The following NNAT variants were observed in gnomAD, a reference collection of about 807,000 sequenced individuals.
The protein encoded by NNAT is neuronatin.
A neutral mutation model predicts 12.7 loss-of-function variants in NNAT; 8 were observed. The observed-to-expected ratio is 0.63, with a 90% confidence interval of 0.37 to 1.14. NNAT has a LOEUF of 1.14. Among genes scored for constraint, NNAT ranks in the 50% most tolerant of loss-of-function variants. The probability of loss-of-function intolerance (pLI) is 0.01; values close to 1 mark genes in which losing one functional copy is unlikely to be tolerated. For missense variants in NNAT, 94 were observed against 108.3 expected (o/e 0.87, Z 0.59); for synonymous variants, 52 against 48.5 (o/e 1.07, Z -0.30).
chr20:37,521,504 C>T lies in NNAT; in HGVS notation c.72+101C>T. On this transcript the variant is annotated intron_variant, in intron 1 of 2. Transcript: ENST00000649451. This position sits in a 1 kb window ranked among gnomAD's most constrained non-coding sequence, Gnocchi z 4.5. ...TGCCGCTTCCCGGACCCGTCCTATT[C>T]CGATTGCCGCGATCCTTGCCTGCCC... 1 of 1,199,612 alleles carries T rather than the reference C, an allele frequency of 8.3e-7. No individual in the cohort carries two copies. Among genetic ancestry groups the T allele is most frequent in the Admixed American group, 1.7e-5 (1 of 57,238 alleles). The allele number at this position is 1,199,612 out of a possible 1,614,324, so 74.3% of individuals were successfully genotyped here.
chr20:37,522,755 A>G lies in NNAT; in HGVS notation c.242A>G (p.Asn81Ser), dbSNP rs1400221032. The G allele has an allele frequency of 8.1e-6, 13 of 1,600,670 alleles. No homozygotes were observed. The highest frequency in any genetic ancestry group is 2.3e-5 in the East Asian group (1 of 44,292). Reference sequence around the variant, plus strand: ...GGGGAGCGCAGGCAGCGAGCCCCCAACTGAGGCCCCAGCTCCCAGCCCTGG... The same window carrying G: ...GGGGAGCGCAGGCAGCGAGCCCCCAGCTGAGGCCCCAGCTCCCAGCCCTGG... ...VLGERRQRAP[N>S] is the part of the protein sequence containing the mutation. The change falls in exon 3 of 3, where the codon AAC (asparagine) becomes AGC (serine). Residue 81 changes from asparagine (N) to serine (S), a missense_variant. Asn to Ser is a conservative substitution (Grantham distance 46). Coordinates refer to ENST00000649451, the MANE Select transcript of NNAT (RefSeq NM_005386.4).
rs1166696298 is a variant in NNAT, at chr20:37,522,838, G to A, written c.*79G>A. The A allele has an allele frequency of 1.3e-5, 18 of 1,339,836 alleles. No individual in the cohort carries two copies. Among genetic ancestry groups the A allele is most frequent in the Non-Finnish European group, 1.8e-5 (18 of 983,954 alleles). 83.0% of individuals were successfully genotyped at this position (1,339,836 alleles called of 1,614,324 possible). A position where few individuals can be genotyped will look rare whatever the true frequency, so the allele number is the denominator to read the frequency against. On this transcript the variant is annotated 3_prime_UTR_variant, in exon 3 of 3. Coordinates refer to ENST00000649451, the MANE Select transcript of NNAT (RefSeq NM_005386.4). ...CGGCCAGCACGGGAGCCAGTGCCGC[G>A]CAGGAATGTGGGGTCCCCTGTGTTC...
chr20:37,523,274 G>A lies in NNAT; in HGVS notation c.*515G>A, dbSNP rs1339958138. 1 of 152,984 alleles carries A rather than the reference G, an allele frequency of 6.5e-6. No homozygotes were observed. Among genetic ancestry groups the A allele is most frequent in the East Asian group, 1.9e-4 (1 of 5,204 alleles). The allele number at this position is 152,984 out of a possible 1,614,324, so 9.5% of individuals were successfully genotyped here. On this transcript the variant is annotated 3_prime_UTR_variant, in exon 3 of 3. Coordinates refer to ENST00000649451, the MANE Select transcript of NNAT (RefSeq NM_005386.4). ...GAGGGTGGTTAAGAAATACAGTGGG[G>A]CCCTCTCGCTGTCCCTTGCCCAGGG...
intron 2 of NNAT, 32 bp downstream of exon 2, chr20:37,522,470 C>A: frequency 6.3e-7 from 1 of 1,587,292 alleles, no homozygotes; most frequent in Non-Finnish European, 8.6e-7. Context: ...AATCAGCTTG[C>A]CGCCATGCAG....
At position 37,521,532 on chromosome 20, in the gene NNAT, G is replaced by C; in HGVS notation, c.72+129G>C. The C allele has an allele frequency of 1.0e-6, 1 of 960,774 alleles. No individual in the cohort carries two copies. Among genetic ancestry groups the C allele is most frequent in the Non-Finnish European group, 1.6e-6 (1 of 618,476 alleles). 59.5% of individuals were successfully genotyped at this position (960,774 alleles called of 1,614,324 possible). The stretch of plus-strand genomic sequence containing the variant: ...ATTGCCGCGATCCTTGCCTGCCCAA[G>C]TGCCGCTGCCGGCACCGCGCGCCCC... On this transcript the variant is annotated intron_variant, in intron 1 of 2. Coordinates refer to ENST00000649451, the MANE Select transcript of NNAT (RefSeq NM_005386.4). This position sits in a 1 kb window ranked among gnomAD's most constrained non-coding sequence, Gnocchi z 4.5.
Position 37,523,559 on chromosome 20 carries a change from T to C in NNAT, c.*800T>C, listed in dbSNP as rs1466827517. 13 of 152,654 alleles carry C rather than the reference T, an allele frequency of 8.5e-5. No homozygotes were observed. Among genetic ancestry groups the C allele is most frequent in the Admixed American group, 8.5e-4 (13 of 15,284 alleles). 9.5% of individuals were successfully genotyped at this position (152,654 alleles called of 1,614,324 possible). The stretch of plus-strand genomic sequence containing the variant: ...ATTGTACTGATTGTTTAAGTGTGCA[T>C]TAGTTGTGTCTCCCCAGCTAGATTG... On this transcript the variant is annotated 3_prime_UTR_variant, in exon 3 of 3. Coordinates refer to ENST00000649451, the MANE Select transcript of NNAT (RefSeq NM_005386.4).
chr20:37,522,397 T>C lies in NNAT; in HGVS notation c.112T>C (p.Phe38Leu). Residue 38 changes from phenylalanine (F) to leucine (L), a missense_variant, in exon 2 of 3, where the codon TTT (phenylalanine) becomes CTT (leucine). By Grantham distance (22) the Phe-to-Leu change is conservative. Transcript: ENST00000649451. ...ECCIYWVGFA[F>L]RNPPGTQPIA... Reference sequence around the variant, plus strand: ...CTGCATTTACTGGGTAGGATTCGCTTTTCGAAATCCTCCAGGGACACAGCC... The same window carrying C: ...CTGCATTTACTGGGTAGGATTCGCTCTTCGAAATCCTCCAGGGACACAGCC... 1 of 1,613,994 alleles carries C rather than the reference T, an allele frequency of 6.2e-7. No homozygotes were observed. The highest frequency in any genetic ancestry group is 8.5e-7 in the Non-Finnish European group (1 of 1,179,968).
In NNAT at chr20:37,521,536, C is replaced by A; in HGVS notation, c.72+133C>A. The A allele has an allele frequency of 4.3e-6, 4 of 920,700 alleles. No homozygotes were observed. Among genetic ancestry groups the A allele is most frequent in the Non-Finnish European group, 6.8e-6 (4 of 585,638 alleles). 57.0% of individuals were successfully genotyped at this position (920,700 alleles called of 1,614,324 possible). ...CCGCGATCCTTGCCTGCCCAAGTGC[C>A]GCTGCCGGCACCGCGCGCCCCCTGC... On this transcript the variant is annotated intron_variant, in intron 1 of 2. Coordinates refer to ENST00000649451, the MANE Select transcript of NNAT (RefSeq NM_005386.4). The surrounding 1 kb of genome is among the most constrained non-coding windows in gnomAD (Gnocchi z 4.5).
In NNAT at chr20:37,521,910, A is replaced by G. The variant is rs2071590391; in HGVS notation, c.73-448A>G. 6.6e-6 allele frequency among the ~76,000 whole-genome samples: 1 copy of G among 151,806 alleles called. No individual in the cohort carries two copies. The highest frequency in any genetic ancestry group is 1.5e-5 in the Non-Finnish European group (1 of 67,980). On this transcript the variant is annotated intron_variant, in intron 1 of 2. Transcript: ENST00000649451. The surrounding 1 kb of genome is among the most constrained non-coding windows in gnomAD (Gnocchi z 4.5). Reference sequence around the variant, plus strand: ...AAAAAATAAAAATTACTTCGCAAAAAAAAAAAACCCTACAACGAATTAGAG... The same window carrying G: ...AAAAAATAAAAATTACTTCGCAAAAGAAAAAAACCCTACAACGAATTAGAG...
chr20:37,521,599 T>C lies in NNAT; in HGVS notation c.72+196T>C, dbSNP rs1003739849. 1 of 580,136 alleles carries C rather than the reference T, an allele frequency of 1.7e-6. No homozygotes were observed. Among genetic ancestry groups the C allele is most frequent in the South Asian group, 2.0e-5 (1 of 49,896 alleles). 35.9% of individuals were successfully genotyped at this position (580,136 alleles called of 1,614,324 possible). A position where few individuals can be genotyped will look rare whatever the true frequency, so the allele number is the denominator to read the frequency against. On this transcript the variant is annotated intron_variant, in intron 1 of 2. Coordinates refer to ENST00000649451, the MANE Select transcript of NNAT (RefSeq NM_005386.4). The surrounding 1 kb of genome is among the most constrained non-coding windows in gnomAD (Gnocchi z 4.5). ...CCGTCCTCCTCGCGCTGACCCTCCC[T>C]AGTGCGCCCGCGCCTGCCAGGGAAC... is the stretch of plus-strand genomic sequence containing the variant.
In NNAT at chr20:37,522,933, T is replaced by C. The variant is rs1376830184; in HGVS notation, c.*174T>C. On this transcript the variant is annotated 3_prime_UTR_variant, in exon 3 of 3. Coordinates refer to ENST00000649451, the MANE Select transcript of NNAT (RefSeq NM_005386.4). ...ACCCCCGGAGAAGCAGTACCGACAA[T>C]GACGAAGATACCAGATCCCTTCCCA... is the stretch of plus-strand genomic sequence containing the variant. 1.0e-5 allele frequency: 6 copies of C among 586,218 alleles called. No homozygotes were observed. Among genetic ancestry groups the C allele is most frequent in the Non-Finnish European group, 1.8e-5 (6 of 332,292 alleles). The allele number at this position is 586,218 out of a possible 1,614,324, so 36.3% of individuals were successfully genotyped here.
rs2071572784 is a variant in NNAT at position 37,521,515 on chromosome 20, G to A, written c.72+112G>A. 5 of 1,101,400 alleles carry A rather than the reference G, an allele frequency of 4.5e-6. No individual in the cohort carries two copies. Among genetic ancestry groups the A allele is most frequent in the Admixed American group, 1.8e-5 (1 of 55,026 alleles). The allele number at this position is 1,101,400 out of a possible 1,614,324, so 68.2% of individuals were successfully genotyped here. ...GGACCCGTCCTATTCCGATTGCCGC[G>A]ATCCTTGCCTGCCCAAGTGCCGCTG... is the stretch of plus-strand genomic sequence containing the variant. On this transcript the variant is annotated intron_variant, in intron 1 of 2. Coordinates refer to ENST00000649451, the MANE Select transcript of NNAT (RefSeq NM_005386.4). The surrounding 1 kb of genome is among the most constrained non-coding windows in gnomAD (Gnocchi z 4.5).
chr20:37,521,847 G>A lies in NNAT; in HGVS notation c.72+444G>A, dbSNP rs2147189136. On this transcript the variant is annotated intron_variant, in intron 1 of 2. Transcript: ENST00000649451. This position sits in a 1 kb window ranked among gnomAD's most constrained non-coding sequence, Gnocchi z 4.5. Reference sequence around the variant, plus strand: ...AAAAAAACATATAGCGCTTGCGGGGGTGGAACAAAAAATAAGTTAGAAAAA... The same window carrying A: ...AAAAAAACATATAGCGCTTGCGGGGATGGAACAAAAAATAAGTTAGAAAAA... 6.6e-6 allele frequency among the ~76,000 whole-genome samples: 1 copy of A among 151,404 alleles called. No homozygotes were observed. Among genetic ancestry groups the A allele is most frequent in the African/African-American group, 2.4e-5 (1 of 41,238 alleles).
intron 2 of NNAT, 70 bp downstream of exon 2, chr20:37,522,508 C>T (rs1031730423): frequency 1.3e-6 from 2 of 1,508,190 alleles, no homozygotes; most frequent in African/African-American, 2.8e-5. Flanking sequence ...AAAGCTCCAG[C>T]TGCCCTGACT....
chr20:37,522,259 G>C, intron 1 of NNAT, 99 bp from the exon 2 acceptor site: 1 of 796,800 alleles, frequency 1.3e-6, no homozygotes, highest in East Asian at 2.6e-5. Context: ...AGAAGAAAGC[G>C]CTTTGCCCAT....
At position 37,522,755 on chromosome 20, in the gene NNAT, A is replaced by C; in HGVS notation, c.242A>C (p.Asn81Thr). ...GGGGAGCGCAGGCAGCGAGCCCCCA[A>C]CTGAGGCCCCAGCTCCCAGCCCTGG... is the stretch of plus-strand genomic sequence containing the variant. ...VLGERRQRAPN is the reference protein window; with the variant it reads ...VLGERRQRAPT The change falls in exon 3 of 3, where the codon AAC becomes ACC. Residue 81 changes from asparagine (N) to threonine (T), a missense_variant. Transcript: ENST00000649451. The C allele has an allele frequency of 6.2e-7, 1 of 1,600,670 alleles. No individual in the cohort carries two copies. Among genetic ancestry groups the C allele is most frequent in the Non-Finnish European group, 8.5e-7 (1 of 1,174,400 alleles).
chr20:37,522,551 A>C (rs2071621220), intron 2 of NNAT, 113 bp downstream of exon 2: 1 of 1,043,716 alleles, frequency 9.6e-7, no homozygotes, highest in Non-Finnish European at 1.3e-6. Context: ...CCGCCTCTCC[A>C]GCCTACGCTG....
rs1341800385 is a variant in NNAT at position 37,521,993 on chromosome 20, A to G, written c.73-365A>G. Among the ~76,000 whole-genome samples the G allele has an allele frequency of 6.6e-6, 1 of 151,778 alleles. No individual in the cohort carries two copies. The highest frequency in any genetic ancestry group is 2.4e-5 in the African/African-American group (1 of 41,400). On this transcript the variant is annotated intron_variant, in intron 1 of 2. Coordinates refer to ENST00000649451, the MANE Select transcript of NNAT (RefSeq NM_005386.4). This position sits in a 1 kb window ranked among gnomAD's most constrained non-coding sequence, Gnocchi z 4.5. Reference sequence around the variant, plus strand: ...GCATTGCAGGAAAAATAAATCGGAGAAAAGCACTTGGCAGAAAAAAATGCA... The same window carrying G: ...GCATTGCAGGAAAAATAAATCGGAGGAAAGCACTTGGCAGAAAAAAATGCA...
chr20:37,522,904 GT>G lies in NNAT; in HGVS notation c.*146del. On this transcript the variant is annotated 3_prime_UTR_variant, in exon 3 of 3. Transcript: ENST00000649451. Reference sequence around the variant, plus strand: ...ACTTGGCAAGGTCAGTGAGGGGCCAGTAGACCCCCGGAGAAGCAGTACCGAC... The same window carrying G: ...ACTTGGCAAGGTCAGTGAGGGGCCAGAGACCCCCGGAGAAGCAGTACCGAC... 1 of 644,670 alleles carries G rather than the reference GT, an allele frequency of 1.6e-6. No individual in the cohort carries two copies. Among genetic ancestry groups the G allele is most frequent in the East Asian group, 2.8e-5 (1 of 35,486 alleles). 39.9% of individuals were successfully genotyped at this position (644,670 alleles called of 1,614,324 possible).
Sources: gnomAD v4.1 joint callset for allele counts (sites outside exome capture counted in the v4.1 genomes callset) on GRCh38, gnomAD v4.1.1 for gene constraint, Gnocchi (gnomAD v3.1) non-coding constraint, MANE v1.5 for transcripts, NCBI Gene and HGNC (gene_info 2026-07-23, HGNC 2026-07-21) for gene names.